The following TIAM1 variants were observed in gnomAD, a reference collection of about 807,000 sequenced individuals.
The protein encoded by TIAM1 is rho guanine nucleotide exchange factor TIAM1.
TIAM1 carries 65 observed loss-of-function variants against 163.5 expected under a neutral mutation model. That is an observed-to-expected ratio of 0.40 (90% CI 0.33 to 0.49). The LOEUF is 0.49. Ranked by LOEUF, TIAM1 falls within the 20% of genes least tolerant of loss-of-function variation. The probability of loss-of-function intolerance (pLI) is 0.77; values close to 1 mark genes in which losing one functional copy is unlikely to be tolerated. For missense variants in TIAM1, 1,789 were observed against 2,044.7 expected (o/e 0.87, Z 2.41); for synonymous variants, 833 against 810.1 (o/e 1.03, Z -0.48).
intron 1 of TIAM1, among the ~76,000 whole-genome samples, chr21:31,475,404 C>T (rs958128427): frequency 1.3e-5 from 2 of 152,128 alleles, no homozygotes; most frequent in Non-Finnish European, 2.9e-5. Context: ...CTCTGAAACT[C>T]GTCCTCTTCA....
chr21:31,396,849 G>T (rs2077080891), intron 2 of TIAM1, among the ~76,000 whole-genome samples: 1 of 151,962 alleles, frequency 6.6e-6, no homozygotes, highest in African/African-American at 2.4e-5. Flanking sequence ...TACTCAGGAG[G>T]CTGAGACAGG....
At chr21:31,230,686 AC>A (rs1243117246) in intron 6 of TIAM1, among the ~76,000 whole-genome samples, 1 of 152,106 alleles carries the variant, frequency 6.6e-6, no homozygotes, top group African/African-American at 2.4e-5. Context: ...CTAGGGAGCC[AC>A]ACACCCAGCT....
intron 6 of TIAM1, among the ~76,000 whole-genome samples, chr21:31,234,885 A>G (rs1352762096): frequency 6.6e-6 from 1 of 152,226 alleles, no homozygotes; most frequent in African/African-American, 2.4e-5. Context: ...AAAAAAGAAA[A>G]TAAAACACAA....
intron 1 of TIAM1, among the ~76,000 whole-genome samples, chr21:31,486,280 C>T (rs1033295149): frequency 1.3e-5 from 2 of 152,218 alleles, no homozygotes; most frequent in African/African-American, 4.8e-5. Flanking sequence ...AAACGCTCGC[C>T]CTCTGACAGC....
intron 2 of TIAM1, among the ~76,000 whole-genome samples, chr21:31,350,752 G>A (rs1274139032): frequency 6.6e-6 from 1 of 152,198 alleles, no homozygotes; most frequent in Non-Finnish European, 1.5e-5. Context: ...GCAGAACCAT[G>A]AGCCAATTAA....
intron 2 of TIAM1, among the ~76,000 whole-genome samples, chr21:31,354,378 G>T (rs868454461): frequency 1.6e-4 from 25 of 152,276 alleles, no homozygotes; most frequent in Middle Eastern, 3.4e-3. Context: ...CAGCTCAATT[G>T]CACAAGAGGC....
chr21:31,126,932 T>C, intron 26 of TIAM1, 133 bp downstream of exon 26: 1 of 801,670 alleles, frequency 1.2e-6, no homozygotes, highest in Non-Finnish European at 2.0e-6. Context: ...CCCAGCTGAC[T>C]CTCCATTTAC....
At position 31,237,588 on chromosome 21, in the gene TIAM1, G is replaced by C. The variant is rs1300309425; in HGVS notation, c.1584+7900C>G. 2.0e-5 allele frequency among the ~76,000 whole-genome samples: 3 copies of C among 152,240 alleles called. No homozygotes were observed. The East Asian group carries it at 5.8e-4, about 29-fold the overall frequency. ...TTCAACTCAACTTAATGGCATATGA[G>C]TCTTTTAATATGCATACAATACCCT... On this transcript the variant is annotated intron_variant, in intron 6 of 27. Transcript: ENST00000541036.
intron 2 of TIAM1, among the ~76,000 whole-genome samples, chr21:31,322,629 T>G (rs1198465848): frequency 2.6e-5 from 4 of 152,148 alleles, no homozygotes; most frequent in African/African-American, 9.7e-5. Context: ...TGTTTCTACT[T>G]TTGCCACTGC....
At chr21:31,224,845 T>C (rs1430414814) in intron 7 of TIAM1, among the ~76,000 whole-genome samples, 1 of 152,194 alleles carries the variant, frequency 6.6e-6, no homozygotes, top group Non-Finnish European at 1.5e-5. Context: ...TTCCTGAGCA[T>C]TAGGACAAAG....
chr21:31,202,754 T>C (rs1601529801), intron 12 of TIAM1, among the ~76,000 whole-genome samples, 154 bp downstream of exon 12: 1 of 152,210 alleles, frequency 6.6e-6, no homozygotes, highest in African/African-American at 2.4e-5. Flanking sequence ...AATACTGAGC[T>C]AAGTAGGGCC....
chr21:31,377,002 G>A (rs1602130989), intron 2 of TIAM1, among the ~76,000 whole-genome samples: 1 of 151,014 alleles, frequency 6.6e-6, no homozygotes, highest in Non-Finnish European at 1.5e-5. Context: ...GGGATAACAG[G>A]CGGACGCCAC....
intron 6 of TIAM1, among the ~76,000 whole-genome samples, chr21:31,238,582 G>T (rs1310520628): frequency 6.6e-6 from 1 of 152,128 alleles, no homozygotes; most frequent in Non-Finnish European, 1.5e-5. Flanking sequence ...CCACTTGAGG[G>T]TTAAAAAAAA....
In TIAM1 at chr21:31,460,398, G is replaced by A. The variant is rs148345933; in HGVS notation, c.-369+3585C>T. Among the ~76,000 whole-genome samples, 617 of 152,226 alleles carry A rather than the reference G, an allele frequency of 4.1e-3. 5 individuals are homozygous for A. The highest frequency in any genetic ancestry group is 0.014 in the African/African-American group (576 of 41,530). On this transcript the variant is annotated intron_variant, in intron 2 of 28. Coordinates refer to the TIAM1 transcript ENST00000286827. ...TCCCAGCACTTTGCGAAGCTGAGGC[G>A]GGTGGATCACTTGAGGTCAGGAGTT...
chr21:31,280,853 G>A (rs1387988978), intron 2 of TIAM1, among the ~76,000 whole-genome samples: 1 of 151,990 alleles, frequency 6.6e-6, no homozygotes, highest in Non-Finnish European at 1.5e-5. Context: ...AGTGGCTCAT[G>A]CCTGTAACCA....
At chr21:31,280,582 G>GT (rs2073505161) in intron 2 of TIAM1, among the ~76,000 whole-genome samples, 1 of 152,106 alleles carries the variant, frequency 6.6e-6, no homozygotes, top group African/African-American at 2.4e-5. Flanking sequence ...CAAATAAGCA[G>GT]TTTTCACAGG....
rs1325091013 is a variant in TIAM1, at chr21:31,266,280, G to A, written c.693C>T (p.Ser231=). The A allele has an allele frequency of 2.5e-6, 4 of 1,614,202 alleles. No individual in the cohort carries two copies. The South Asian group carries it at 4.4e-5, about 18-fold the overall frequency. The change falls in exon 4 of 28, where the codon TCC becomes TCT. Residue 231 remains serine (S), a synonymous_variant. Coordinates refer to ENST00000541036, the MANE Select transcript of TIAM1 (RefSeq NM_001353694.2). ...TTTTCTGAGCATACAAGTCACCCAA[G>A]GAATTGGCTCTCTGACAGGTGCTGA... ...RQLSTCQRAN[S]LGDLYAQKNS... is the part of the protein sequence containing the mutation.
At chr21:31,268,355 A>G (rs2072896052) in intron 3 of TIAM1, among the ~76,000 whole-genome samples, 1 of 152,236 alleles carries the variant, frequency 6.6e-6, no homozygotes, top group African/African-American at 2.4e-5. Flanking sequence ...TGATCATTGC[A>G]AAGAGATCGA....
intron 1 of TIAM1, among the ~76,000 whole-genome samples, chr21:31,536,093 G>C (rs970106878): frequency 1.3e-5 from 2 of 152,230 alleles, no homozygotes; most frequent in Admixed American, 6.5e-5. Flanking sequence ...GGCACAGGCA[G>C]AGAGGCCGGG....
Sources: gnomAD v4.1 joint callset for allele counts (sites outside exome capture counted in the v4.1 genomes callset) on GRCh38, gnomAD v4.1.1 for gene constraint, MANE v1.5 for transcripts, NCBI Gene and HGNC (gene_info 2026-07-23, HGNC 2026-07-21) for gene names.